NCR3LG1: variants seen among roughly 807,000 people sequenced by gnomAD.
NCR3LG1 encodes the protein natural killer cell cytotoxicity receptor 3 ligand 1, also known as natural cytotoxicity triggering receptor 3 ligand 1.
In NCR3LG1, 35 loss-of-function variants were observed where a neutral mutation model predicts 34.8. The observed-to-expected ratio is 1.01, with a 90% confidence interval of 0.77 to 1.33. The LOEUF (loss-of-function observed/expected upper bound fraction) is 1.33. Ranked by LOEUF, NCR3LG1 falls within the 40% of genes most tolerant of loss-of-function variation. The pLI, the probability that NCR3LG1 is intolerant of heterozygous loss-of-function variation, is 0.00. For missense variants in NCR3LG1, 452 were observed against 423.3 expected, an observed-to-expected ratio of 1.07 and a Z score of -0.60; for synonymous variants, 173 against 163.6, an observed-to-expected ratio of 1.06 and a Z score of -0.44.
At chr11:17,368,259 G>A (rs1953368978) in intron 3 of NCR3LG1, among the ~76,000 whole-genome samples, 1 of 152,160 alleles carries the variant, frequency 6.6e-6, no homozygotes, top group African/African-American at 2.4e-5. Flanking sequence ...GTGGGCTGGG[G>A]CTTTTTGAGC....
At chr11:17,361,289 ATT>A (rs60695188) in intron 2 of NCR3LG1, among the ~76,000 whole-genome samples, 158 of 140,572 alleles carry the variant, frequency 1.1e-3, no homozygotes, top group Non-Finnish European at 1.5e-3. Context: ...AAAAATTGAC[ATT>A]TTTTTTTTTT....
chr11:17,367,844 G>A (rs1037096013), intron 3 of NCR3LG1, among the ~76,000 whole-genome samples: 1 of 149,516 alleles, frequency 6.7e-6, no homozygotes, highest in African/African-American at 2.5e-5. Flanking sequence ...TTGAGATGGA[G>A]TTTCGCTCTT....
chr11:17,361,819 A>AT (rs1329142559), intron 2 of NCR3LG1, among the ~76,000 whole-genome samples: 1 of 150,070 alleles, frequency 6.7e-6, no homozygotes. Flanking sequence ...ATTTTATTTT[A>AT]TTTTTTACAG....
intron 2 of NCR3LG1, among the ~76,000 whole-genome samples, chr11:17,357,944 C>T (rs1025958874): frequency 5.9e-5 from 9 of 152,146 alleles, no homozygotes; most frequent in Admixed American, 3.3e-4. Flanking sequence ...CTCAAGAGAT[C>T]CTTGTGCCCG....
At chr11:17,367,762 A>G (rs1048696308) in intron 3 of NCR3LG1, among the ~76,000 whole-genome samples, 1 of 151,698 alleles carries the variant, frequency 6.6e-6, no homozygotes, top group Non-Finnish European at 1.5e-5. Flanking sequence ...AGCCCTTCTA[A>G]TAAGGCTCTA....
At chr11:17,370,894 A>C (rs1330922760) in intron 4 of NCR3LG1, among the ~76,000 whole-genome samples, 1 of 152,206 alleles carries the variant, frequency 6.6e-6, no homozygotes, top group African/African-American at 2.4e-5. Flanking sequence ...CCTGTTAAGC[A>C]AAGTCAGCAA....
rs922892751 is a variant in NCR3LG1, at chr11:17,368,864, C to T, written c.761-3C>T. 7.2e-6 allele frequency: 11 copies of T among 1,524,080 alleles called. No homozygotes were observed. The highest frequency in any genetic ancestry group is 9.7e-6 in the Non-Finnish European group (11 of 1,136,064). 94.4% of individuals were successfully genotyped at this position (1,524,080 alleles called of 1,614,324 possible). On this transcript the variant is annotated splice_region_variant and splice_polypyrimidine_tract_variant and intron_variant, in intron 3 of 4. Coordinates refer to ENST00000338965, the MANE Select transcript of NCR3LG1 (RefSeq NM_001202439.3). ...TGCTAATGTTTTCCTTCTCTCTCTGCAGAAACTGAGAAGACAGATAATTTT... is the reference window on the plus strand; with the variant it reads ...TGCTAATGTTTTCCTTCTCTCTCTGTAGAAACTGAGAAGACAGATAATTTT...
At chr11:17,368,540 C>A (rs922852556) in intron 3 of NCR3LG1, among the ~76,000 whole-genome samples, 5 of 151,998 alleles carry the variant, frequency 3.3e-5, no homozygotes, top group Admixed American at 1.3e-4. Context: ...ATATACCTTG[C>A]ATGTATGGTA....
rs932561292 is a variant in NCR3LG1 at position 17,367,096 on chromosome 11, C to T, written c.509C>T (p.Pro170Leu). Reference protein sequence around the residue: ...KYMCESSGFYPEAINITWEKQ... With the variant: ...KYMCESSGFYLEAINITWEKQ... The stretch of plus-strand genomic sequence containing the variant: ...ATGTGTGAGTCAAGTGGGTTCTACC[C>T]AGAGGCTATTAATATAACATGGGAG... The change falls in exon 3 of 5, where the codon CCA (proline) becomes CTA (leucine). Residue 170 changes from proline (P) to leucine (L), a missense_variant. Pro to Leu is a moderately conservative substitution (Grantham distance 98). Transcript: ENST00000338965. 8.5e-6 allele frequency: 13 copies of T among 1,536,100 alleles called. No homozygotes were observed. The highest frequency in any genetic ancestry group is 2.4e-5 in the East Asian group (1 of 40,926).
At chr11:17,354,157 T>C (rs940896737) in intron 1 of NCR3LG1, among the ~76,000 whole-genome samples, 4 of 152,386 alleles carry the variant, frequency 2.6e-5, no homozygotes, top group Admixed American at 6.5e-5. Context: ...TAGTTAACAG[T>C]CCTCCCTAGT....
At chr11:17,368,109 C>T (rs1953367495) in intron 3 of NCR3LG1, among the ~76,000 whole-genome samples, 1 of 152,130 alleles carries the variant, frequency 6.6e-6, no homozygotes, top group Admixed American at 6.5e-5. Context: ...TGAGCCACAG[C>T]ACCCGGCCAG....
At chr11:17,371,602 T>C (rs1350109426) in intron 4 of NCR3LG1, among the ~76,000 whole-genome samples, 1 of 152,208 alleles carries the variant, frequency 6.6e-6, no homozygotes, top group Non-Finnish European at 1.5e-5. Context: ...TCAATCAGTC[T>C]CATTCTCTAG....
rs1428369534 is a variant in NCR3LG1, at chr11:17,374,301, C to A, written c.*1789C>A. On this transcript the variant is annotated 3_prime_UTR_variant, in exon 5 of 5. Coordinates refer to ENST00000338965, the MANE Select transcript of NCR3LG1 (RefSeq NM_001202439.3). ...TACCCTGACTCCCAATACTTGTTTACCTTTGAAGACCCCTCCAATCAAACC... is the reference window on the plus strand; with the variant it reads ...TACCCTGACTCCCAATACTTGTTTAACTTTGAAGACCCCTCCAATCAAACC... 7.2e-5 allele frequency: 11 copies of A among 152,320 alleles called. No homozygotes were observed. Among genetic ancestry groups the A allele is most frequent in the Admixed American group, 6.5e-4 (10 of 15,294 alleles). The allele number at this position is 152,320 out of a possible 1,614,324, so 9.4% of individuals were successfully genotyped here.
At chr11:17,352,295 C>A (rs966429059) in intron 1 of NCR3LG1, among the ~76,000 whole-genome samples, 6 of 151,560 alleles carry the variant, frequency 4.0e-5, no homozygotes, top group Non-Finnish European at 8.8e-5. Flanking sequence ...ATTCTCCTGC[C>A]TCAGACTCCC....
At chr11:17,362,865 C>T (rs1247596427) in intron 2 of NCR3LG1, among the ~76,000 whole-genome samples, 5 of 97,924 alleles carry the variant, frequency 5.1e-5, no homozygotes, top group African/African-American at 1.7e-4. Flanking sequence ...CTTTCTTTCT[C>T]CCCTCCCCTC....
chr11:17,371,972 A>C, intron 4 of NCR3LG1, 34 bp from the exon 5 acceptor site: 2 of 683,376 alleles, frequency 2.9e-6, no homozygotes, highest in Non-Finnish European at 5.3e-6. Context: ...GACAAAGGAG[A>C]CTAAGGGATG....
In NCR3LG1 at chr11:17,376,162, AGATAGAC is replaced by A. The variant is rs1292197227; in HGVS notation, c.*3651_*3657del. 7 of 152,264 alleles carry A rather than the reference AGATAGAC, an allele frequency of 4.6e-5. No homozygotes were observed. Among genetic ancestry groups the A allele is most frequent in the Admixed American group, 4.6e-4 (7 of 15,288 alleles). The allele number at this position is 152,264 out of a possible 1,614,324, so 9.4% of individuals were successfully genotyped here. ...GGAAGTTACTCAGGGGAGGACTGGC[AGATAGAC>A]TTCACCCATATGCCCAAAATAAATG... On this transcript the variant is annotated 3_prime_UTR_variant, in exon 5 of 5. Transcript: ENST00000338965.
chr11:17,379,534 G>T (rs980879450), downstream of NCR3LG1, among the ~76,000 whole-genome samples: 1 of 152,058 alleles, frequency 6.6e-6, no homozygotes, highest in East Asian at 1.9e-4. Flanking sequence ...TTGCTTCCTC[G>T]TGTGCTTCTA....
rs868512095 is a variant in NCR3LG1 at position 17,362,761 on chromosome 11, T to C, written c.422-4248T>C. On this transcript the variant is annotated intron_variant, in intron 2 of 4. Coordinates refer to ENST00000338965, the MANE Select transcript of NCR3LG1 (RefSeq NM_001202439.3). ...CTTTCTTTCTTTCTTTCTTTCTTTCTTTCTTTCCTTCCTTCCTTCTTTCCT... is the reference window on the plus strand; with the variant it reads ...CTTTCTTTCTTTCTTTCTTTCTTTCCTTCTTTCCTTCCTTCCTTCTTTCCT... 4.7e-4 allele frequency among the ~76,000 whole-genome samples: 53 copies of C among 113,558 alleles called. 2 individuals are homozygous for C. The highest frequency in any genetic ancestry group is 4.1e-3 in the Middle Eastern group (1 of 246). 74.5% of individuals were successfully genotyped at this position (113,558 alleles called of 152,430 possible).
Sources: allele counts gnomAD v4.1 joint callset (sites outside exome capture counted in the v4.1 genomes callset), GRCh38; gene constraint gnomAD v4.1.1; transcripts MANE v1.5; gene names NCBI Gene and HGNC (gene_info 2026-07-23, HGNC 2026-07-21).